Variants in PMS1 observed in about 807,000 individuals in gnomAD.
PMS1 encodes PMS1 protein homolog 1.
A neutral mutation model predicts 93.1 loss-of-function variants in PMS1; 79 were observed. The observed-to-expected ratio is 0.85, with a 90% CI of 0.71 to 1.02. The LOEUF is 1.02. PMS1 is among the 50% of genes least tolerant of loss of function. The probability of loss-of-function intolerance (pLI) is 0.00; values close to 1 mark genes in which losing one functional copy is unlikely to be tolerated. For missense variants in PMS1, 1,064 were observed against 1,085.3 expected (o/e 0.98, Z 0.28); for synonymous variants, 335 against 363.4 (o/e 0.92, Z 0.89).
At chr2:189,836,348 T>G (rs904015726) in intron 5 of PMS1, among the ~76,000 whole-genome samples, 9 of 152,218 alleles carry the variant, frequency 5.9e-5, no homozygotes, top group Non-Finnish European at 1.2e-4. Flanking sequence ...TAGAGTCAGA[T>G]TCTTAGTTGG....
At chr2:189,864,271 T>C (rs1386219578) in intron 10 of PMS1, 43 bp downstream of exon 10, 1 of 1,283,660 alleles carries the variant, frequency 7.8e-7, no homozygotes, top group South Asian at 1.2e-5. Flanking sequence ...ATATTTATTA[T>C]AATAGTTCAT....
intron 4 of PMS1, among the ~76,000 whole-genome samples, chr2:189,809,611 C>G (rs868481353): frequency 2.0e-5 from 3 of 151,994 alleles, no homozygotes; most frequent in Middle Eastern, 6.8e-3. Context: ...TTTAGGAGGC[C>G]AAGGCAGGCA....
At chr2:189,802,275 G>A (rs190421356) in intron 3 of PMS1, among the ~76,000 whole-genome samples, 5 of 152,050 alleles carry the variant, frequency 3.3e-5, no homozygotes, top group Admixed American at 6.5e-5. Context: ...ACTGTTGACC[G>A]GCCTCCTGTT....
Position 189,864,140 on chromosome 2 carries a change from G to C in PMS1, c.2254G>C (p.Val752Leu). 1 of 1,611,972 alleles carries C rather than the reference G, an allele frequency of 6.2e-7. No individual in the cohort carries two copies. Among genetic ancestry groups the C allele is most frequent in the Non-Finnish European group, 8.5e-7 (1 of 1,178,390 alleles). The change falls in exon 10 of 13, where the codon GTA becomes CTA. Residue 752 changes from valine to leucine, a missense_variant. Coordinates refer to ENST00000441310, the MANE Select transcript of PMS1 (RefSeq NM_000534.5). ...GGTAATGTTATTAAATCCATATAGAGTAGAAGAAGCCCTGCTATTTAAAAG... is the reference window on the plus strand; with the variant it reads ...GGTAATGTTATTAAATCCATATAGACTAGAAGAAGCCCTGCTATTTAAAAG... ...TEVMLLNPYR[V>L]EEALLFKRLL...
intron 6 of PMS1, among the ~76,000 whole-genome samples, chr2:189,844,401 T>C (rs1299027101): frequency 2.0e-5 from 3 of 152,202 alleles, no homozygotes; most frequent in African/African-American, 7.2e-5. Flanking sequence ...TCCAGCACTT[T>C]GGAAGTCCGG....
At chr2:189,815,407 C>T (rs1428046138) in intron 4 of PMS1, among the ~76,000 whole-genome samples, 2 of 152,128 alleles carry the variant, frequency 1.3e-5, no homozygotes, top group African/African-American at 2.4e-5. Flanking sequence ...CCCGTAATCC[C>T]TATGTGTTTA....
At chr2:189,836,411 T>G (rs1218390067) in intron 5 of PMS1, among the ~76,000 whole-genome samples, 1 of 152,202 alleles carries the variant, frequency 6.6e-6, no homozygotes, top group Non-Finnish European at 1.5e-5. Context: ...ATATGGAGGT[T>G]TGTGTGTATT....
At chr2:189,797,224 TG>T (rs1213403230) in intron 3 of PMS1, among the ~76,000 whole-genome samples, 1 of 152,220 alleles carries the variant, frequency 6.6e-6, no homozygotes, top group Non-Finnish European at 1.5e-5. Context: ...AGATGTGAAT[TG>T]ACTTGGTCTA....
At chr2:189,790,182 A>G (rs1487792646) in intron 1 of PMS1, among the ~76,000 whole-genome samples, 1 of 152,244 alleles carries the variant, frequency 6.6e-6, no homozygotes, top group Non-Finnish European at 1.5e-5. Flanking sequence ...TCAGATTAAC[A>G]GTAATCCTAA....
chr2:189,865,742 C>T (rs1575361131), intron 10 of PMS1, among the ~76,000 whole-genome samples: 1 of 152,042 alleles, frequency 6.6e-6, no homozygotes, highest in Admixed American at 6.5e-5. Context: ...TAACATTTCC[C>T]TTTTTTAACT....
chr2:189,868,422 A>G (rs1337622382), intron 11 of PMS1, among the ~76,000 whole-genome samples: 1 of 152,230 alleles, frequency 6.6e-6, no homozygotes, highest in Non-Finnish European at 1.5e-5. Flanking sequence ...CTCTTTGCTC[A>G]GTATGGAAAT....
At chr2:189,838,008 G>A (rs1263041052) in intron 5 of PMS1, among the ~76,000 whole-genome samples, 2 of 152,138 alleles carry the variant, frequency 1.3e-5, no homozygotes, top group African/African-American at 4.8e-5. Context: ...GATTGAAAAG[G>A]GATAGGAGTC....
Position 189,818,180 on chromosome 2 carries a change from G to C in PMS1, c.582G>C (p.Lys194Asn). ...TAAGGATTGTCTTTGTACATAACAA[G>C]GTAAACATTATTTTATCTTTATAAG... The part of the protein sequence containing the change: ...PDLRIVFVHN[K>N]AVIWQKSRVS... Residue 194 changes from lysine to asparagine, a missense_variant and splice_region_variant, in exon 5 of 13, where the codon AAG becomes AAC. Coordinates refer to ENST00000441310, the MANE Select transcript of PMS1 (RefSeq NM_000534.5). 2 of 1,566,036 alleles carry C rather than the reference G, an allele frequency of 1.3e-6. No homozygotes were observed. The highest frequency in any genetic ancestry group is 1.8e-6 in the Non-Finnish European group (2 of 1,137,892).
chr2:189,810,379 A>G (rs1006439748), intron 4 of PMS1, among the ~76,000 whole-genome samples: 2 of 152,242 alleles, frequency 1.3e-5, no homozygotes, highest in African/African-American at 2.4e-5. Flanking sequence ...GAGAAACACT[A>G]CATCCTCCTA....
At chr2:189,845,823 G>A (rs564661473) in intron 6 of PMS1, among the ~76,000 whole-genome samples, 46 of 151,958 alleles carry the variant, frequency 3.0e-4, no homozygotes, top group African/African-American at 1.0e-3. Context: ...TTCTGCTTCC[G>A]AGGTTCAAAT....
intron 5 of PMS1, among the ~76,000 whole-genome samples, chr2:189,834,571 G>A (rs2053227758): frequency 6.6e-6 from 1 of 152,130 alleles, no homozygotes; most frequent in African/African-American, 2.4e-5. Context: ...GAGGGTCTAG[G>A]CAAGAAAAAT....
At chr2:189,825,045 G>A (rs1233284) in intron 5 of PMS1, among the ~76,000 whole-genome samples, 54,374 of 151,834 alleles carry the variant, frequency 0.36, 11,222 homozygotes, top group African/African-American at 0.58. Context: ...CTGCATTAGA[G>A]ACAAACAATC....
chr2:189,812,782 A>G (rs1575109722), intron 4 of PMS1, among the ~76,000 whole-genome samples: 1 of 152,224 alleles, frequency 6.6e-6, no homozygotes, highest in South Asian at 2.1e-4. Context: ...AAAGCCAATT[A>G]AAGCATATAA....
chr2:189,871,909 C>T (rs370332583), intron 11 of PMS1, among the ~76,000 whole-genome samples: 71 of 152,274 alleles, frequency 4.7e-4, no homozygotes, highest in African/African-American at 1.7e-3. Context: ...TGGCAGAAGG[C>T]AACAAGGAGC....
Sources: gnomAD v4.1 joint callset for allele counts (sites outside exome capture counted in the v4.1 genomes callset) on GRCh38, gnomAD v4.1.1 for gene constraint, MANE v1.5 for transcripts, NCBI Gene and HGNC (gene_info 2026-07-23, HGNC 2026-07-21) for gene names.